PDIA5: variants seen among roughly 807,000 people sequenced by gnomAD.
The protein encoded by PDIA5 is protein disulfide isomerase family A member 5.
Under a neutral mutation model 77.6 loss-of-function variants are expected in PDIA5, and 58 were observed. The ratio of observed to expected loss-of-function variants is 0.75; its 90% CI spans 0.61 to 0.93. The LOEUF (loss-of-function observed/expected upper bound fraction) is 0.93, where lower values mean the gene tolerates loss of function less well. Among genes scored for constraint, PDIA5 ranks in the 40% least tolerant of loss-of-function variants. PDIA5 has a pLI of 0.00. For missense variants in PDIA5, 630 were observed against 647.7 expected (o/e 0.97, Z 0.30); for synonymous variants, 250 against 252.1 (o/e 0.99, Z 0.08).
In PDIA5 at chr3:123,116,247, G is replaced by A; in HGVS notation, c.558G>A (p.Lys186=). The A allele has an allele frequency of 2.5e-6, 4 of 1,614,090 alleles. No homozygotes were observed. The highest frequency in any genetic ancestry group is 3.4e-6 in the Non-Finnish European group (4 of 1,179,986). ...TGTGACCAGGGTGCAGCATGTGCAAGAGGATGATGCCGCATTTCCAGAAGG... is the reference window on the plus strand; with the variant it reads ...TGTGACCAGGGTGCAGCATGTGCAAAAGGATGATGCCGCATTTCCAGAAGG... ...MFYAPWCSMC[K]RMMPHFQKAA... is the part of the protein sequence containing the mutation. Residue 186 remains lysine, a synonymous_variant, in exon 8 of 17, where the codon AAG becomes AAA. Transcript: ENST00000316218.
chr3:123,099,688 G>T (rs1012076979), intron 3 of PDIA5, among the ~76,000 whole-genome samples: 10 of 152,204 alleles, frequency 6.6e-5, no homozygotes, highest in Non-Finnish European at 1.3e-4. Context: ...CAACTTAGTT[G>T]TTTTGGAGTC....
intron 1 of PDIA5, among the ~76,000 whole-genome samples, chr3:123,082,236 G>A (rs1934030427): frequency 6.6e-6 from 1 of 152,072 alleles, no homozygotes; most frequent in South Asian, 2.1e-4. Flanking sequence ...TTCCTTTTCT[G>A]CTTGTGTTGT....
chr3:123,121,785 G>T (rs1234225147), intron 8 of PDIA5, among the ~76,000 whole-genome samples: 1 of 152,242 alleles, frequency 6.6e-6, no homozygotes, highest in Non-Finnish European at 1.5e-5. Flanking sequence ...AATACATTTT[G>T]TGTTATTGAT....
At chr3:123,071,612 C>T (rs965615831) in intron 1 of PDIA5, among the ~76,000 whole-genome samples, 6 of 152,300 alleles carry the variant, frequency 3.9e-5, no homozygotes, top group African/African-American at 7.2e-5. Flanking sequence ...AAAACAGACC[C>T]GGCATATAAG....
chr3:123,109,648 G>A (rs909233594), intron 6 of PDIA5, among the ~76,000 whole-genome samples: 1 of 151,642 alleles, frequency 6.6e-6, no homozygotes, highest in Non-Finnish European at 1.5e-5. Flanking sequence ...TTAAGTTAAT[G>A]CACATTCATT....
At chr3:123,136,751 G>A (rs972013148) in intron 11 of PDIA5, among the ~76,000 whole-genome samples, 2 of 149,368 alleles carry the variant, frequency 1.3e-5, no homozygotes, top group African/African-American at 2.5e-5. Flanking sequence ...AAAAAAAAAG[G>A]GGGTTGGGTT....
At chr3:123,136,407 ATCCT>A (rs1445105369) in intron 11 of PDIA5, among the ~76,000 whole-genome samples, 12 of 152,116 alleles carry the variant, frequency 7.9e-5, no homozygotes, top group Admixed American at 7.9e-4. Context: ...TAGAGGATGG[ATCCT>A]TCCTTCTCCT....
At chr3:123,110,896 G>C in intron 6 of PDIA5, 48 bp from the exon 7 acceptor site, 1 of 1,479,444 alleles carries the variant, frequency 6.8e-7, no homozygotes, top group Non-Finnish European at 9.5e-7. Flanking sequence ...GTCTCATCCT[G>C]TTACTGTGTT....
chr3:123,125,667 A>C (rs1289440605), intron 10 of PDIA5, among the ~76,000 whole-genome samples: 1 of 152,202 alleles, frequency 6.6e-6, no homozygotes, highest in Non-Finnish European at 1.5e-5. Flanking sequence ...ACCAGGAAAA[A>C]AATGCACATG....
intron 14 of PDIA5, among the ~76,000 whole-genome samples, chr3:123,152,293 C>T (rs1935932835): frequency 1.3e-5 from 2 of 152,298 alleles, no homozygotes; most frequent in South Asian, 4.1e-4. Context: ...CCTTGAGGGG[C>T]TCACTGTCTA....
At chr3:123,156,863 G>A (rs957859618) in intron 15 of PDIA5, among the ~76,000 whole-genome samples, 1 of 152,194 alleles carries the variant, frequency 6.6e-6, no homozygotes, top group Non-Finnish European at 1.5e-5. Flanking sequence ...CCACTAGACC[G>A]CCGCTGAGGC....
At chr3:123,161,515 C>G in intron 16 of PDIA5, 60 bp downstream of exon 16, 1 of 1,565,534 alleles carries the variant, frequency 6.4e-7, no homozygotes, top group Non-Finnish European at 8.7e-7. Flanking sequence ...AGGGAAACTT[C>G]CACTGAGGAG....
Position 123,143,178 on chromosome 3 carries a change from G to A in PDIA5, c.911-2344G>A, listed in dbSNP as rs1055256682. Among the ~76,000 whole-genome samples, 37 of 151,768 alleles carry A rather than the reference G, an allele frequency of 2.4e-4. 1 individual carries two copies. Among genetic ancestry groups the A allele is most frequent in the African/African-American group, 8.7e-4 (36 of 41,250 alleles). ...AAGGTGGGTGGATCACAGGTCAGGA[G>A]ATCGAGACCATCCTGGCTAACACAG... On this transcript the variant is annotated intron_variant, in intron 11 of 16. Transcript: ENST00000316218.
chr3:123,138,542 T>C (rs1298851713), intron 11 of PDIA5, among the ~76,000 whole-genome samples: 1 of 152,196 alleles, frequency 6.6e-6, no homozygotes, highest in Non-Finnish European at 1.5e-5. Context: ...GATAGGAACC[T>C]AGAAGTAAAA....
chr3:123,100,326 G>A (rs1934552718), intron 3 of PDIA5, among the ~76,000 whole-genome samples: 1 of 152,250 alleles, frequency 6.6e-6, no homozygotes, highest in Non-Finnish European at 1.5e-5. Context: ...AATAGCAGTT[G>A]TCAGAAGAGG....
At chr3:123,092,278 C>T (rs1425820891) in intron 2 of PDIA5, 77 bp from the exon 3 acceptor site, 3 of 1,201,502 alleles carry the variant, frequency 2.5e-6, no homozygotes, top group African/African-American at 3.0e-5. Context: ...CATCCTTCCT[C>T]ACCCCTGAGG....
intron 6 of PDIA5, among the ~76,000 whole-genome samples, chr3:123,107,651 G>A (rs1365252135): frequency 6.6e-6 from 1 of 152,160 alleles, no homozygotes; most frequent in Admixed American, 6.5e-5. Flanking sequence ...ACTTGGGATG[G>A]GCAAGAACTT....
chr3:123,159,731 G>A lies in PDIA5; in HGVS notation c.1345-1590G>A, dbSNP rs150604101. On this transcript the variant is annotated intron_variant, in intron 15 of 16. Coordinates refer to ENST00000316218, the MANE Select transcript of PDIA5 (RefSeq NM_006810.4). Reference sequence around the variant, plus strand: ...TAAACTCCATTTTAAAAGTCTCACCGTATAGAATGTTACATAGCTGAAGAG... The same window carrying A: ...TAAACTCCATTTTAAAAGTCTCACCATATAGAATGTTACATAGCTGAAGAG... Among the ~76,000 whole-genome samples the A allele has an allele frequency of 7.4e-4, 113 of 152,282 alleles. 4 individuals are homozygous for A. In the East Asian group the frequency reaches 0.018, roughly 24 times the overall value.
At chr3:123,140,127 G>A (rs1306644185) in intron 11 of PDIA5, among the ~76,000 whole-genome samples, 3 of 152,158 alleles carry the variant, frequency 2.0e-5, no homozygotes, top group Non-Finnish European at 4.4e-5. Context: ...CCTGGGGGAA[G>A]ATGTTGGTAT....
Sources: gnomAD v4.1 joint callset for allele counts (sites outside exome capture counted in the v4.1 genomes callset) on GRCh38, gnomAD v4.1.1 for gene constraint, MANE v1.5 for transcripts, NCBI Gene and HGNC (gene_info 2026-07-23, HGNC 2026-07-21) for gene names.